PCDHGB7: variants seen among roughly 807,000 people sequenced by gnomAD.
The protein encoded by PCDHGB7 is protocadherin gamma subfamily B, 7.
A neutral mutation model predicts 61.4 loss-of-function variants in PCDHGB7; 37 were observed. That is an observed-to-expected ratio of 0.60 (90% CI 0.46 to 0.79). The LOEUF is 0.79. Ranked by LOEUF, PCDHGB7 falls within the 30% of genes least tolerant of loss-of-function variation. The pLI, the probability that PCDHGB7 is intolerant of heterozygous loss-of-function variation, is 0.00. For missense variants in PCDHGB7, 1,166 were observed against 1,202.5 expected (o/e 0.97, Z 0.45); for synonymous variants, 464 against 503.5 (o/e 0.92, Z 1.05).
In PCDHGB7 at chr5:141,476,476, C is replaced by T; in HGVS notation, c.2416-18331C>T. 6.2e-7 allele frequency: 1 copy of T among 1,613,986 alleles called. No homozygotes were observed. The highest frequency in any genetic ancestry group is 8.5e-7 in the Non-Finnish European group (1 of 1,179,992). On this transcript the variant is annotated intron_variant, in intron 1 of 3. Transcript: ENST00000398594. The surrounding 1 kb of genome is among the most constrained non-coding windows in gnomAD (Gnocchi z 7.6). Reference sequence around the variant, plus strand: ...TGGAGAACCCGCTGGAGCTGTTCAGCGTGGAAGTGGTGATCCAGGACATCA... The same window carrying T: ...TGGAGAACCCGCTGGAGCTGTTCAGTGTGGAAGTGGTGATCCAGGACATCA...
At position 141,431,604 on chromosome 5, in the gene PCDHGB7, G is replaced by A; in HGVS notation, c.2415+11330G>A. On this transcript the variant is annotated intron_variant, in intron 1 of 3. Coordinates refer to ENST00000398594, the MANE Select transcript of PCDHGB7 (RefSeq NM_018927.4). The surrounding 1 kb of genome is among the most constrained non-coding windows in gnomAD (Gnocchi z 4.8). ...AATGCGGAAGTGAGGTATTCCTTCCGGTATGTGGACGACAAGGCGGCCCAA... is the reference window on the plus strand; with the variant it reads ...AATGCGGAAGTGAGGTATTCCTTCCAGTATGTGGACGACAAGGCGGCCCAA... 8 of 1,614,206 alleles carry A rather than the reference G, an allele frequency of 5.0e-6. No individual in the cohort carries two copies. Among genetic ancestry groups the A allele is most frequent in the Non-Finnish European group, 6.8e-6 (8 of 1,180,046 alleles).
At position 141,486,238 on chromosome 5, in the gene PCDHGB7, G is replaced by C. The variant is rs1414434705; in HGVS notation, c.2416-8569G>C. 6.2e-7 allele frequency: 1 copy of C among 1,614,058 alleles called. No homozygotes were observed. The highest frequency in any genetic ancestry group is 8.5e-7 in the Non-Finnish European group (1 of 1,180,024). On this transcript the variant is annotated intron_variant, in intron 1 of 3. Coordinates refer to ENST00000398594, the MANE Select transcript of PCDHGB7 (RefSeq NM_018927.4). This position sits in a 1 kb window ranked among gnomAD's most constrained non-coding sequence, Gnocchi z 5.0. ...CCCCTTACATCACAGTGACCTCAGA[G>C]CTTGGAACCCTCCCCGAGAGTGCAG... is the stretch of plus-strand genomic sequence containing the variant.
chr5:141,507,632 G>A (rs551849213), intron 3 of PCDHGB7, among the ~76,000 whole-genome samples: 6 of 152,360 alleles, frequency 3.9e-5, no homozygotes, highest in Non-Finnish European at 7.3e-5. Flanking sequence ...GTGGCCTTGC[G>A]CCCTGAGGCC....
chr5:141,510,821 C>G, intron 3 of PCDHGB7, 126 bp from the exon 4 acceptor site: 2 of 1,559,324 alleles, frequency 1.3e-6, no homozygotes, highest in Non-Finnish European at 1.7e-6. Context: ...CCCCTATATT[C>G]CCAGTGCTCA....
At chr5:141,428,020 C>A (rs1443722620) in intron 1 of PCDHGB7, 1 of 1,605,408 alleles carries the variant, frequency 6.2e-7, no homozygotes, top group Admixed American at 1.7e-5. Context: ...GTGCCACGCG[C>A]CGCAGAGTCC....
At chr5:141,483,840 T>C (rs996866862) in intron 1 of PCDHGB7, among the ~76,000 whole-genome samples, 2 of 152,172 alleles carry the variant, frequency 1.3e-5, no homozygotes, top group South Asian at 2.1e-4. Context: ...AAGGACTTGG[T>C]TGAATTAAGA....
rs758065876 is a variant in PCDHGB7 at position 141,422,916 on chromosome 5, C to A, written c.2415+2642C>A. 5.6e-6 allele frequency: 9 copies of A among 1,614,260 alleles called. No homozygotes were observed. In the South Asian group the frequency reaches 9.9e-5, roughly 18 times the overall value. ...ACCAGAACGACAATGCGCCCGAGAT[C>A]CTGTACCCTGCCCTCCCCACAGACG... On this transcript the variant is annotated intron_variant, in intron 1 of 3. Coordinates refer to ENST00000398594, the MANE Select transcript of PCDHGB7 (RefSeq NM_018927.4).
intron 1 of PCDHGB7, among the ~76,000 whole-genome samples, chr5:141,470,385 T>C (rs1278833959): frequency 1.3e-5 from 2 of 152,206 alleles, no homozygotes; most frequent in Non-Finnish European, 2.9e-5. Flanking sequence ...GACTACTCGA[T>C]GATATTTAGG....
chr5:141,440,181 G>A (rs1419736461), intron 1 of PCDHGB7: 7 of 152,312 alleles, frequency 4.6e-5, no homozygotes, highest in Non-Finnish European at 8.8e-5. Context: ...CTTTGAAATA[G>A]TTGAAGGCCA....
In PCDHGB7 at chr5:141,432,122, G is replaced by C; in HGVS notation, c.2415+11848G>C. On this transcript the variant is annotated intron_variant, in intron 1 of 3. Transcript: ENST00000398594. This position sits in a 1 kb window ranked among gnomAD's most constrained non-coding sequence, Gnocchi z 6.0. ...CGACAACCCGCCGGTCTTCCCTCAG[G>C]CCTCCTATTCCGCTTATATCCCAGA... 6.2e-7 allele frequency: 1 copy of C among 1,614,052 alleles called. No homozygotes were observed. Among genetic ancestry groups the C allele is most frequent in the Non-Finnish European group, 8.5e-7 (1 of 1,180,022 alleles).
At position 141,431,698 on chromosome 5, in the gene PCDHGB7, AT is replaced by A. The variant is rs2097408637; in HGVS notation, c.2415+11426del. ...GGGAGTTGGACCACGAGGAGTCAGG[AT>A]TCTACCAGATGGAAGTGCAAGCAAT... On this transcript the variant is annotated intron_variant, in intron 1 of 3. Coordinates refer to ENST00000398594, the MANE Select transcript of PCDHGB7 (RefSeq NM_018927.4). The surrounding 1 kb of genome is among the most constrained non-coding windows in gnomAD (Gnocchi z 4.8). 4.3e-6 allele frequency: 7 copies of A among 1,614,104 alleles called. 1 individual carries two copies. The South Asian group carries it at 7.7e-5, about 18-fold the overall frequency.
intron 1 of PCDHGB7, among the ~76,000 whole-genome samples, chr5:141,468,754 T>C (rs1205525962): frequency 6.6e-6 from 1 of 152,036 alleles, no homozygotes; most frequent in Admixed American, 6.6e-5. Flanking sequence ...TAGTCCCAGC[T>C]ACTCGGGAGG....
At chr5:141,451,179 T>C (rs1039062167) in intron 1 of PCDHGB7, among the ~76,000 whole-genome samples, 6 of 152,162 alleles carry the variant, frequency 3.9e-5, no homozygotes, top group Non-Finnish European at 8.8e-5. Flanking sequence ...TATTTAGCCA[T>C]TGCTGTGTAA....
Position 141,486,390 on chromosome 5 carries a change from C to T in PCDHGB7, c.2416-8417C>T. 6.2e-7 allele frequency: 1 copy of T among 1,614,138 alleles called. No homozygotes were observed. The highest frequency in any genetic ancestry group is 1.1e-5 in the South Asian group (1 of 91,084). On this transcript the variant is annotated intron_variant, in intron 1 of 3. Coordinates refer to ENST00000398594, the MANE Select transcript of PCDHGB7 (RefSeq NM_018927.4). This position sits in a 1 kb window ranked among gnomAD's most constrained non-coding sequence, Gnocchi z 5.0. ...AAGTCTGCCTTCAGGAACCAGTTCTCCCTGGTGACTGCTGGACCCTTGGAT... is the reference window on the plus strand; with the variant it reads ...AAGTCTGCCTTCAGGAACCAGTTCTTCCTGGTGACTGCTGGACCCTTGGAT...
rs202162316 is a variant in PCDHGB7, at chr5:141,490,194, T to C, written c.2416-4613T>C. ...TTGAGGAGTCACGTTTCTATGAAAT[T>C]CATGCAAGAGCCCGTGACCAGGGAC... is the stretch of plus-strand genomic sequence containing the variant. On this transcript the variant is annotated intron_variant, in intron 1 of 3. Transcript: ENST00000398594. The surrounding 1 kb of genome is among the most constrained non-coding windows in gnomAD (Gnocchi z 5.4). The C allele has an allele frequency of 8.1e-6, 13 of 1,614,186 alleles. No individual in the cohort carries two copies. The highest frequency in any genetic ancestry group is 1.1e-5 in the Non-Finnish European group (13 of 1,180,030).
chr5:141,499,565 C>T (rs1291006795), intron 2 of PCDHGB7, among the ~76,000 whole-genome samples: 1 of 152,168 alleles, frequency 6.6e-6, no homozygotes, highest in East Asian at 1.9e-4. Flanking sequence ...CACTATCCAG[C>T]TTCAACTAAT....
intron 1 of PCDHGB7, among the ~76,000 whole-genome samples, chr5:141,447,728 A>G (rs2098549955): frequency 6.6e-6 from 1 of 152,204 alleles, no homozygotes; most frequent in Non-Finnish European, 1.5e-5. Flanking sequence ...TCCAAAACTC[A>G]TTGAACTTAA....
rs750401937 is a variant in PCDHGB7 at position 141,487,357 on chromosome 5, T to G, written c.2416-7450T>G. 5.0e-6 allele frequency: 8 copies of G among 1,614,212 alleles called. No homozygotes were observed. The highest frequency in any genetic ancestry group is 6.8e-6 in the Non-Finnish European group (8 of 1,180,032). ...CCTGTGGAGTCACATGCTTTCCTGC[T>G]GGCACCTGTGCCTGTCTCACCAGAT... On this transcript the variant is annotated intron_variant, in intron 1 of 3. Transcript: ENST00000398594. This position sits in a 1 kb window ranked among gnomAD's most constrained non-coding sequence, Gnocchi z 5.0.
At chr5:141,508,151 C>T (rs1306467936) in intron 3 of PCDHGB7, 1 of 152,548 alleles carries the variant, frequency 6.6e-6, no homozygotes, top group Admixed American at 6.5e-5. Flanking sequence ...GGCTGAGTTT[C>T]CCTGAGTAGA....
Sources: allele counts gnomAD v4.1 joint callset (sites outside exome capture counted in the v4.1 genomes callset), GRCh38; gene constraint gnomAD v4.1.1; non-coding constraint Gnocchi (gnomAD v3.1); transcripts MANE v1.5; gene names NCBI Gene and HGNC (gene_info 2026-07-23, HGNC 2026-07-21).